KIAA0408: variants seen among roughly 807,000 people sequenced by gnomAD.
The protein encoded by KIAA0408 is uncharacterized protein KIAA0408.
A neutral mutation model predicts 60.9 loss-of-function variants in KIAA0408; 51 were observed. The ratio of observed to expected loss-of-function variants is 0.84; its 90% CI spans 0.67 to 1.06. The LOEUF is 1.06. Ranked by LOEUF, KIAA0408 falls within the 50% of genes least tolerant of loss-of-function variation. The probability of loss-of-function intolerance (pLI) is 0.00; values close to 1 mark genes in which losing one functional copy is unlikely to be tolerated. For synonymous variants in KIAA0408, 304 were observed against 282.4 expected (o/e 1.08, Z -0.77); for missense variants, 787 against 833.9 (o/e 0.94, Z 0.69).
chr6:127,449,735 G>A, intron 4 of KIAA0408, 87 bp downstream of exon 4: 2 of 1,535,990 alleles, frequency 1.3e-6, no homozygotes. Flanking sequence ...GTTCTTACAT[G>A]TAAGGAGGAG....
rs115175455 is a variant in KIAA0408 at position 127,449,240 on chromosome 6, G to A, written c.578+582C>T. ...AGAACTACTTTAGAGGTTACTTACT[G>A]ATTTTTTATGGAGGGTCTACCTTAA... On this transcript the variant is annotated intron_variant, in intron 4 of 5. Coordinates refer to ENST00000483725, the MANE Select transcript of KIAA0408 (RefSeq NM_014702.5). Among the ~76,000 whole-genome samples the A allele has an allele frequency of 7.2e-3, 1,094 of 152,304 alleles. 10 individuals are homozygous for A. The highest frequency in any genetic ancestry group is 0.025 in the African/African-American group (1,024 of 41,582).
At position 127,440,692 on chromosome 6, in the gene KIAA0408, T is replaced by A. The variant is rs1455017122; in HGVS notation, c.*3417A>T. On this transcript the variant is annotated 3_prime_UTR_variant, in exon 6 of 6. Transcript: ENST00000483725. ...ATGCCGAATTTAAAGCAAATAGTAC[T>A]GTAATAAAAAAATCTGATTTTCCTG... 2 of 104,088 alleles carry A rather than the reference T, an allele frequency of 1.9e-5. No individual in the cohort carries two copies. The highest frequency in any genetic ancestry group is 4.5e-5 in the Non-Finnish European group (2 of 44,090). 6.4% of individuals were successfully genotyped at this position (104,088 alleles called of 1,614,324 possible).
chr6:127,454,815 A>C (rs1773363554), intron 1 of KIAA0408, among the ~76,000 whole-genome samples: 1 of 152,156 alleles, frequency 6.6e-6, no homozygotes, highest in African/African-American at 2.4e-5. Flanking sequence ...GATATTGAAT[A>C]CAGGGAACTG....
intron 1 of KIAA0408, among the ~76,000 whole-genome samples, chr6:127,454,678 AAT>A (rs1357047708): frequency 6.6e-6 from 1 of 152,122 alleles, no homozygotes; most frequent in African/African-American, 2.4e-5. Context: ...AATTATAAAA[AAT>A]ATATTCATTA....
chr6:127,453,773 A>G (rs1264207315), intron 2 of KIAA0408, 74 bp downstream of exon 2: 4 of 1,532,882 alleles, frequency 2.6e-6, no homozygotes, highest in Admixed American at 1.9e-5. Context: ...AACAGTTTCC[A>G]ATACAAAACA....
Position 127,447,380 on chromosome 6 carries a change from G to C in KIAA0408, c.939C>G (p.Phe313Leu), listed in dbSNP as rs780434835. 9 of 1,612,520 alleles carry C rather than the reference G, an allele frequency of 5.6e-6. No individual in the cohort carries two copies. The Admixed American group carries it at 1.5e-4, about 27-fold the overall frequency. ...GRSKRNYNPH[F>L]PLRQQEMSML... ...TAGACATCTCTTGTTGTCTCAAAGGGAAGTGAGGGTTGTAATTCCTTTTAC... is the reference window on the plus strand; with the variant it reads ...TAGACATCTCTTGTTGTCTCAAAGGCAAGTGAGGGTTGTAATTCCTTTTAC... The change falls in exon 5 of 6, where the codon TTC becomes TTG. Residue 313 changes from phenylalanine to leucine, a missense_variant. Phe to Leu is a conservative substitution (Grantham distance 22, BLOSUM62 0). Transcript: ENST00000483725.
At chr6:127,452,261 C>A (rs1054512891) in intron 2 of KIAA0408, among the ~76,000 whole-genome samples, 12 of 152,116 alleles carry the variant, frequency 7.9e-5, no homozygotes, top group African/African-American at 2.7e-4. Flanking sequence ...AAATGTTAAA[C>A]AAATACAATC....
In KIAA0408 at chr6:127,453,581, T is replaced by C. The variant is rs1033266801; in HGVS notation, c.135+266A>G. ...TGCAAAATACATACCTCACTTTTGA[T>C]AAAAAAGCTCTCTAGCCAGAAAATA... On this transcript the variant is annotated intron_variant, in intron 2 of 5. Coordinates refer to ENST00000483725, the MANE Select transcript of KIAA0408 (RefSeq NM_014702.5). Among the ~76,000 whole-genome samples, 4 of 152,020 alleles carry C rather than the reference T, an allele frequency of 2.6e-5. No individual in the cohort carries two copies. In the East Asian group the frequency reaches 7.7e-4, roughly 29 times the overall value.
intron 2 of KIAA0408, 144 bp from the exon 3 acceptor site, chr6:127,450,496 G>A: frequency 1.5e-6 from 2 of 1,317,528 alleles, no homozygotes; most frequent in East Asian, 2.6e-5. Context: ...CCTCCAAATA[G>A]TGCCTCTAAA....
At chr6:127,458,897 G>C (rs1773440476) in intron 1 of KIAA0408, among the ~76,000 whole-genome samples, 1 of 152,186 alleles carries the variant, frequency 6.6e-6, no homozygotes, top group Non-Finnish European at 1.5e-5. Context: ...CTGAGAAGCA[G>C]TGTTGGAAAA....
Position 127,443,042 on chromosome 6 carries a change from T to C in KIAA0408, c.*1067A>G, listed in dbSNP as rs577194177. 2.8e-4 allele frequency: 43 copies of C among 152,194 alleles called. No individual in the cohort carries two copies. The highest frequency in any genetic ancestry group is 3.8e-4 in the Non-Finnish European group (26 of 68,018). The allele number at this position is 152,194 out of a possible 1,614,324, so 9.4% of individuals were successfully genotyped here. A position where few individuals can be genotyped will look rare whatever the true frequency, so the allele number is the denominator to read the frequency against. On this transcript the variant is annotated 3_prime_UTR_variant, in exon 6 of 6. Coordinates refer to ENST00000483725, the MANE Select transcript of KIAA0408 (RefSeq NM_014702.5). ...ATAATTTCAGCTTTCAAAGAAATATTATTCCTGATCTTCCTTGTTAGTAAA... is the reference window on the plus strand; with the variant it reads ...ATAATTTCAGCTTTCAAAGAAATATCATTCCTGATCTTCCTTGTTAGTAAA...
At position 127,446,471 on chromosome 6, in the gene KIAA0408, T is replaced by A. The variant is rs1256610474; in HGVS notation, c.1848A>T (p.Gln616His). The change falls in exon 5 of 6, where the codon CAA becomes CAT. Residue 616 changes from glutamine to histidine, a missense_variant. By Grantham distance (24) the Gln-to-His change is conservative. Coordinates refer to ENST00000483725, the MANE Select transcript of KIAA0408 (RefSeq NM_014702.5). ...EMLQMEQQFQ[Q>H]KTAVWGGQEV... ...CCTGTCCCCCCCACACAGCTGTCTT[T>A]TGCTGAAACTGTTGTTCCATTTGGA... 1.9e-6 allele frequency: 3 copies of A among 1,614,104 alleles called. No individual in the cohort carries two copies.
chr6:127,453,579 G>A (rs1773338957), intron 2 of KIAA0408, among the ~76,000 whole-genome samples: 1 of 151,836 alleles, frequency 6.6e-6, no homozygotes, highest in Non-Finnish European at 1.5e-5. Context: ...CCTCACTTTT[G>A]ATAAAAAAGC....
In KIAA0408 at chr6:127,446,727, C is replaced by A. The variant is rs747655022; in HGVS notation, c.1592G>T (p.Arg531Leu). 1.2e-6 allele frequency: 2 copies of A among 1,613,786 alleles called. No individual in the cohort carries two copies. Among genetic ancestry groups the A allele is most frequent in the East Asian group, 4.5e-5 (2 of 44,864 alleles). Residue 531 changes from arginine (R) to leucine (L), a missense_variant, in exon 5 of 6, where the codon CGC becomes CTC. Arg to Leu is a moderately radical substitution (Grantham distance 102). This residue lies in a region of KIAA0408 where 640 missense variants were observed against 681.3 expected (regional missense o/e 0.94). Transcript: ENST00000483725. ...CTCGTGGAGCATATTTCGATAACTG[C>A]GAGGACTTAGGTGTCCCTGCATTTG... is the stretch of plus-strand genomic sequence containing the variant. ...VRQMQGHLSP[R>L]SYRNMLHEHD...
At chr6:127,451,814 T>C (rs549805987) in intron 2 of KIAA0408, among the ~76,000 whole-genome samples, 7 of 152,260 alleles carry the variant, frequency 4.6e-5, no homozygotes, top group Admixed American at 4.6e-4. Flanking sequence ...TTGATTTAGG[T>C]GAGGTATGAA....
At chr6:127,449,495 CA>C (rs1366707343) in intron 4 of KIAA0408, among the ~76,000 whole-genome samples, 1 of 151,806 alleles carries the variant, frequency 6.6e-6, no homozygotes, top group African/African-American at 2.4e-5. Context: ...ACTAAAAATA[CA>C]AAAAAACTAG....
Position 127,446,905 on chromosome 6 carries a change from G to A in KIAA0408, c.1414C>T (p.Leu472Phe). The change falls in exon 5 of 6, where the codon CTC becomes TTC. Residue 472 changes from leucine to phenylalanine, a missense_variant. By Grantham distance (22) the Leu-to-Phe change is conservative. Around this residue, in one of 3 missense-constraint regions of KIAA0408, gnomAD observed 640 missense variants for 681.3 expected, o/e 0.94. Transcript: ENST00000483725. ...GTAGATGAGGTATCACAGGGCTTGA[G>A]ATCCTCCGATGATTTTGAGCAGCTG... is the stretch of plus-strand genomic sequence containing the variant. ...NHSCSKSSED[L>F]KPCDTSSTHT... 2.5e-6 allele frequency: 4 copies of A among 1,614,118 alleles called. No homozygotes were observed. In the South Asian group the frequency reaches 4.4e-5, roughly 18 times the overall value.
Position 127,441,142 on chromosome 6 carries a change from T to A in KIAA0408, c.*2967A>T, listed in dbSNP as rs1004683676. The stretch of plus-strand genomic sequence containing the variant: ...TCACAAATGTGCCTAAAAATAACTT[T>A]AAAGATCTTTGTAGGGAAGCAGAAA... On this transcript the variant is annotated 3_prime_UTR_variant, in exon 6 of 6. Coordinates refer to ENST00000483725, the MANE Select transcript of KIAA0408 (RefSeq NM_014702.5). The A allele has an allele frequency of 3.3e-4, 50 of 152,374 alleles. No individual in the cohort carries two copies. The highest frequency in any genetic ancestry group is 1.2e-3 in the African/African-American group (48 of 41,580). The allele number at this position is 152,374 out of a possible 1,614,324, so 9.4% of individuals were successfully genotyped here. A position where few individuals can be genotyped will look rare whatever the true frequency, so the allele number is the denominator to read the frequency against.
intron 1 of KIAA0408, among the ~76,000 whole-genome samples, chr6:127,457,364 TC>T (rs1266881334): frequency 2.0e-5 from 3 of 152,192 alleles, no homozygotes; most frequent in African/African-American, 7.2e-5. Context: ...TTCTTTTTGT[TC>T]CTAGTTGTCA....
Sources: allele counts gnomAD v4.1 joint callset (sites outside exome capture counted in the v4.1 genomes callset), GRCh38; gene constraint gnomAD v4.1.1; regional missense constraint gnomAD v4.1.1; transcripts MANE v1.5; gene names NCBI Gene and HGNC (gene_info 2026-07-23, HGNC 2026-07-21).